Variants in CYP4F8 observed in about 807,000 individuals in gnomAD.
CYP4F8 encodes cytochrome P450 family 4 subfamily F member 8.
Under a neutral mutation model 55.0 loss-of-function variants are expected in CYP4F8, and 56 were observed. That is an observed-to-expected ratio of 1.02 (90% CI 0.82 to 1.27). The LOEUF (loss-of-function observed/expected upper bound fraction) is 1.27. Among genes scored for constraint, CYP4F8 ranks in the 50% most tolerant of loss-of-function variants. The probability of loss-of-function intolerance (pLI) is 0.00; values close to 1 mark genes in which losing one functional copy is unlikely to be tolerated. For synonymous variants in CYP4F8, 288 were observed against 267.3 expected, an observed-to-expected ratio of 1.08 and a Z score of -0.76; for missense variants, 680 against 682.4, an observed-to-expected ratio of 1.00 and a Z score of 0.04.
At position 15,628,831 on chromosome 19, in the gene CYP4F8, C is replaced by CACCTAT. The variant is rs1345890877; in HGVS notation, c.1385_1386insACCTAT (p.Ser462_Ala463insProMet). The CACCTAT allele has an allele frequency of 5.0e-6, 8 of 1,602,562 alleles. No homozygotes were observed. Among genetic ancestry groups the CACCTAT allele is most frequent in the Non-Finnish European group, 6.8e-6 (8 of 1,175,088 alleles). On this transcript the variant is annotated inframe_insertion, in exon 12 of 13. Coordinates refer to ENST00000612078, the MANE Select transcript of CYP4F8 (RefSeq NM_007253.4). Reference sequence around the variant, plus strand: ...TCACCTATGGCTTTTATTCCTTTCTCGGCGGGGCCCAGGTGAGGCCAGGGG... The same window carrying CACCTAT: ...TCACCTATGGCTTTTATTCCTTTCTCACCTATGGCGGGGCCCAGGTGAGGCCAGGGG...
intron 3 of CYP4F8, chr19:15,619,282 G>C (rs1450388932): frequency 1.4e-5 from 8 of 576,330 alleles, no homozygotes; most frequent in Non-Finnish European, 2.5e-5. Flanking sequence ...CCATGTCAGG[G>C]TGTATCATTG....
intron 2 of CYP4F8, among the ~76,000 whole-genome samples, chr19:15,616,464 G>T (rs117960925): frequency 6.6e-6 from 1 of 152,120 alleles, no homozygotes; most frequent in Non-Finnish European, 1.5e-5. Context: ...TGGGGGTTAC[G>T]CAGCAGGTAT....
intron 3 of CYP4F8, chr19:15,618,395 C>T (rs1189661785): frequency 1.6e-6 from 1 of 622,318 alleles, no homozygotes; most frequent in Non-Finnish European, 2.9e-6. Context: ...AATCCAAGGC[C>T]CTGTCCTGGA....
rs112584512 is a variant in CYP4F8, at chr19:15,623,284, G to A, written c.827G>A (p.Arg276His). ...FTDAVIQERR[R>H]TLTSQGVDDF... ...GATGCCGTCATCCAGGAGCGGCGCC[G>A]CACCCTCACTAGCCAGGGTGTTGAT... Residue 276 changes from arginine (R) to histidine (H), a missense_variant, in exon 7 of 13, where the codon CGC (arginine) becomes CAC (histidine). Physicochemically the swap from Arg to His is conservative, Grantham distance 29 (BLOSUM62 0). Transcript: ENST00000612078. 1.7e-5 allele frequency: 27 copies of A among 1,613,978 alleles called. No individual in the cohort carries two copies. The highest frequency in any genetic ancestry group is 4.5e-5 in the East Asian group (2 of 44,846).
chr19:15,622,861 G>T, intron 6 of CYP4F8: 1 of 558,414 alleles, frequency 1.8e-6, no homozygotes, highest in Non-Finnish European at 3.2e-6. Flanking sequence ...GGGAGAAACT[G>T]AGTAATAATA....
intron 9 of CYP4F8, among the ~76,000 whole-genome samples, chr19:15,626,067 C>T (rs1422315532): frequency 6.6e-6 from 1 of 152,170 alleles, no homozygotes; most frequent in Admixed American, 6.5e-5. Flanking sequence ...ATTTGCAGCA[C>T]CGTGGTTCTA....
intron 9 of CYP4F8, among the ~76,000 whole-genome samples, chr19:15,626,405 A>T (rs1972262189): frequency 6.6e-6 from 1 of 152,208 alleles, no homozygotes; most frequent in South Asian, 2.1e-4. Context: ...AGCCTCGAAT[A>T]GATGTGAAGT....
chr19:15,616,392 G>T (rs1704142403), intron 2 of CYP4F8, among the ~76,000 whole-genome samples: 1 of 151,998 alleles, frequency 6.6e-6, no homozygotes, highest in South Asian at 2.1e-4. Context: ...AGACTGTTTT[G>T]AATTCTTTTC....
intron 3 of CYP4F8, chr19:15,618,743 A>C (rs778451508): frequency 4.4e-6 from 1 of 224,782 alleles, no homozygotes; most frequent in Non-Finnish European, 8.9e-6. Context: ...CTAGGCTGCT[A>C]TTTCCATGAC....
At chr19:15,619,426 C>T in intron 3 of CYP4F8, 64 bp from the exon 4 acceptor site, 2 of 1,597,042 alleles carry the variant, frequency 1.3e-6, no homozygotes, top group Non-Finnish European at 1.7e-6. Flanking sequence ...GGGAGCCACC[C>T]TCCATACCCA....
intron 1 of CYP4F8, 155 bp from the exon 2 acceptor site, chr19:15,615,461 C>G: frequency 1.3e-6 from 1 of 789,050 alleles, no homozygotes; most frequent in Non-Finnish European, 1.9e-6. Flanking sequence ...AATTTTGTGT[C>G]ACTTCTCCTC....
intron 3 of CYP4F8, chr19:15,619,278 C>G: frequency 1.8e-6 from 1 of 569,242 alleles, no homozygotes; most frequent in South Asian, 2.1e-5. Flanking sequence ...TGTACCATGT[C>G]AGGGTGTATC....
In CYP4F8 at chr19:15,615,782, A is replaced by C; in HGVS notation, c.166A>C (p.Lys56Gln). 6.2e-7 allele frequency: 1 copy of C among 1,613,648 alleles called. No individual in the cohort carries two copies. Among genetic ancestry groups the C allele is most frequent in the African/African-American group, 1.3e-5 (1 of 75,006 alleles). Residue 56 changes from lysine to glutamine, a missense_variant, in exon 2 of 13, where the codon AAA becomes CAA. Coordinates refer to ENST00000612078, the MANE Select transcript of CYP4F8 (RefSeq NM_007253.4). Reference protein sequence around the residue: ...RRLRCFPQPRKQNWFLGHLGL... With the variant: ...RRLRCFPQPRQQNWFLGHLGL... ...CCTCCGGTGTTTCCCGCAGCCCCGG[A>C]AACAGAACTGGTTCTTGGGTCACCT...
In CYP4F8 at chr19:15,615,631, C is replaced by T; in HGVS notation, c.15C>T (p.Ser5=). MSLL[S]LSWLGLRPVA... ...TGCCCTGCAGGATGTCGCTGCTGAG[C>T]CTGTCTTGGCTGGGCCTCAGGCCGG... Residue 5 remains serine, a synonymous_variant, in exon 2 of 13, where the codon AGC becomes AGT. Coordinates refer to ENST00000612078, the MANE Select transcript of CYP4F8 (RefSeq NM_007253.4). 1 of 1,613,666 alleles carries T rather than the reference C, an allele frequency of 6.2e-7. No homozygotes were observed. The highest frequency in any genetic ancestry group is 1.1e-5 in the South Asian group (1 of 91,042).
At chr19:15,628,207 TAGGACTGAGGGTC>T in intron 9 of CYP4F8, 82 bp from the exon 10 acceptor site, 3 of 1,543,964 alleles carry the variant, frequency 1.9e-6, no homozygotes, top group Non-Finnish European at 2.6e-6. Context: ...AATTTTGTTA[TAGGACTGAGGGTC>T]AGAGGGAGGT....
chr19:15,615,401 G>T, intron 1 of CYP4F8, 121 bp downstream of exon 1: 2 of 497,470 alleles, frequency 4.0e-6, no homozygotes, highest in South Asian at 3.0e-5. Flanking sequence ...GTTGGCTGGT[G>T]GTTCTAGATG....
chr19:15,618,021 T>A lies in CYP4F8; in HGVS notation c.220T>A (p.Leu74Met). Residue 74 changes from leucine (L) to methionine (M), a missense_variant, in exon 3 of 13, where the codon TTG (leucine) becomes ATG (methionine). By Grantham distance (15) the Leu-to-Met change is conservative (BLOSUM62 2). Coordinates refer to ENST00000612078, the MANE Select transcript of CYP4F8 (RefSeq NM_007253.4). ...LGLVTPTEEG[L>M]RVLTQLVATY... Reference sequence around the variant, plus strand: ...GCAGGTCACTCCCACAGAGGAGGGCTTGAGGGTCCTGACCCAGCTGGTGGC... The same window carrying A: ...GCAGGTCACTCCCACAGAGGAGGGCATGAGGGTCCTGACCCAGCTGGTGGC... 3 of 1,614,098 alleles carry A rather than the reference T, an allele frequency of 1.9e-6. No individual in the cohort carries two copies. Among genetic ancestry groups the A allele is most frequent in the Non-Finnish European group, 1.7e-6 (2 of 1,179,942 alleles).
At chr19:15,619,583 G>A in intron 4 of CYP4F8, 40 bp downstream of exon 4, 1 of 1,614,136 alleles carries the variant, frequency 6.2e-7, no homozygotes, top group Non-Finnish European at 8.5e-7. Flanking sequence ...ACCAACTTTT[G>A]TGGCCAGGGG....
chr19:15,626,056 G>A (rs1972258040), intron 9 of CYP4F8, among the ~76,000 whole-genome samples: 1 of 152,168 alleles, frequency 6.6e-6, no homozygotes, highest in Admixed American at 6.5e-5. Context: ...GTAGCACTAT[G>A]ATTTGCAGCA....
Sources: gnomAD v4.1 joint callset for allele counts (sites outside exome capture counted in the v4.1 genomes callset) on GRCh38, gnomAD v4.1.1 for gene constraint, MANE v1.5 for transcripts, NCBI Gene and HGNC (gene_info 2026-07-23, HGNC 2026-07-21) for gene names.